ARMC2: variants seen among roughly 807,000 people sequenced by gnomAD.
ARMC2 encodes armadillo repeat containing 2.
ARMC2 carries 67 observed loss-of-function variants against 90.3 expected under a neutral mutation model. The ratio of observed to expected loss-of-function variants is 0.74; its 90% confidence interval spans 0.61 to 0.91. The LOEUF (loss-of-function observed/expected upper bound fraction) is 0.91, where lower values mean the gene tolerates loss of function less well. Among genes scored for constraint, ARMC2 ranks in the 40% least tolerant of loss-of-function variants. The pLI is 0.00. For missense variants in ARMC2, 920 were observed against 1,030.9 expected, an observed-to-expected ratio of 0.89 and a Z score of 1.47; for synonymous variants, 393 against 393.0, an observed-to-expected ratio of 1.00 and a Z score of 0.00.
intron 12 of ARMC2, among the ~76,000 whole-genome samples, chr6:108,950,720 C>G (rs1282323501): frequency 6.6e-6 from 1 of 152,104 alleles, no homozygotes; most frequent in Non-Finnish European, 1.5e-5. Context: ...TACCAAAGCC[C>G]CATGACACAA....
chr6:108,989,834 A>G, the ARMC2 span, among the ~76,000 whole-genome samples: 1 of 152,142 alleles, frequency 6.6e-6, no homozygotes, highest in Non-Finnish European at 1.5e-5. Flanking sequence ...TTCCAATCAC[A>G]TAGGCACTGA....
the ARMC2 span, among the ~76,000 whole-genome samples, chr6:109,044,790 G>T: frequency 6.6e-6 from 1 of 152,100 alleles, no homozygotes; most frequent in South Asian, 2.1e-4. Context: ...TTGGGAGGTC[G>T]AGGAGGGCAG....
chr6:108,932,363 A>G (rs1024263688), intron 11 of ARMC2, among the ~76,000 whole-genome samples: 8 of 151,520 alleles, frequency 5.3e-5, no homozygotes, highest in Non-Finnish European at 1.2e-4. Context: ...GGGTCTTCAT[A>G]GTTTTGGGTT....
chr6:109,032,058 TCG>T, the ARMC2 span, among the ~76,000 whole-genome samples: 1 of 152,114 alleles, frequency 6.6e-6, no homozygotes, highest in Non-Finnish European at 1.5e-5. Context: ...TCACCTGAGG[TCG>T]AGAGTTTGAG....
the ARMC2 span, chr6:108,990,846 G>A: frequency 1.2e-6 from 2 of 1,609,294 alleles, no homozygotes; most frequent in Non-Finnish European, 1.7e-6. Context: ...CTAAATACAG[G>A]GAATAGAACA....
At chr6:108,930,052 G>T (rs938396534) in intron 11 of ARMC2, among the ~76,000 whole-genome samples, 12 of 151,978 alleles carry the variant, frequency 7.9e-5, no homozygotes, top group Non-Finnish European at 1.3e-4. Context: ...GCTTGAGTCT[G>T]GAAGGTGGAG....
chr6:108,912,707 C>T (rs1009667428), intron 10 of ARMC2, 149 bp downstream of exon 10: 3 of 679,012 alleles, frequency 4.4e-6, no homozygotes, highest in Non-Finnish European at 7.5e-6. Context: ...CACCTCCACC[C>T]CATGAGGGCC....
intron 12 of ARMC2, among the ~76,000 whole-genome samples, chr6:108,946,479 GT>G (rs1776819382): frequency 6.6e-6 from 1 of 152,168 alleles, no homozygotes; most frequent in African/African-American, 2.4e-5. Flanking sequence ...TTTTGCAGTA[GT>G]GCACAGTCTG....
chr6:108,998,644 T>C, the ARMC2 span: 1 of 1,613,976 alleles, frequency 6.2e-7, no homozygotes, highest in Non-Finnish European at 8.5e-7. Context: ...ATTTCTGGAC[T>C]GATTCCACAG....
intron 10 of ARMC2, among the ~76,000 whole-genome samples, chr6:108,919,526 T>G (rs1041075988): frequency 6.6e-6 from 1 of 152,192 alleles, no homozygotes; most frequent in Non-Finnish European, 1.5e-5. Flanking sequence ...AATTTTTTTT[T>G]GGAGATTTGA....
intron 12 of ARMC2, among the ~76,000 whole-genome samples, chr6:108,950,524 C>G (rs1410483766): frequency 6.6e-6 from 1 of 152,058 alleles, no homozygotes; most frequent in Non-Finnish European, 1.5e-5. Flanking sequence ...AACGCAAGAA[C>G]AGAAAACCAA....
chr6:108,988,514 AAAGT>A, the ARMC2 span: 1 of 1,573,438 alleles, frequency 6.4e-7, no homozygotes, highest in East Asian at 2.3e-5. Flanking sequence ...GCTAAGTTAC[AAAGT>A]AAATAAGCCA....
chr6:108,974,708 C>T (rs895494424), downstream of ARMC2, among the ~76,000 whole-genome samples: 9 of 152,164 alleles, frequency 5.9e-5, no homozygotes, highest in African/African-American at 2.2e-4. Flanking sequence ...CAGCTCATTT[C>T]TCACCCTACA....
At chr6:108,925,010 G>C (rs1343142646) in intron 10 of ARMC2, among the ~76,000 whole-genome samples, 1 of 152,146 alleles carries the variant, frequency 6.6e-6, no homozygotes, top group Non-Finnish European at 1.5e-5. Flanking sequence ...ATAGGCTAGA[G>C]AACAAATACA....
At chr6:109,024,577 G>A in the ARMC2 span, among the ~76,000 whole-genome samples, 1 of 152,010 alleles carries the variant, frequency 6.6e-6, no homozygotes, top group Admixed American at 6.6e-5. Context: ...CTTACAATGG[G>A]GTTATGACTC....
chr6:109,037,228 T>C, the ARMC2 span, among the ~76,000 whole-genome samples: 2 of 152,228 alleles, frequency 1.3e-5, no homozygotes, highest in Admixed American at 1.3e-4. Context: ...TCTATTAAAA[T>C]GTACTTTTCA....
the ARMC2 span, among the ~76,000 whole-genome samples, chr6:109,002,104 A>G: frequency 6.6e-6 from 1 of 152,212 alleles, no homozygotes; most frequent in Admixed American, 6.5e-5. Context: ...AGAAATCAAC[A>G]CAAGTACAAC....
At chr6:108,853,714 G>A (rs554828244) in intron 1 of ARMC2, among the ~76,000 whole-genome samples, 1 of 152,250 alleles carries the variant, frequency 6.6e-6, no homozygotes, top group South Asian at 2.1e-4. Flanking sequence ...TCAAATTATA[G>A]GTGAGTTGAA....
At chr6:108,993,949 G>C in the ARMC2 span, among the ~76,000 whole-genome samples, 1 of 151,602 alleles carries the variant, frequency 6.6e-6, no homozygotes, top group Non-Finnish European at 1.5e-5. Flanking sequence ...AGAAGCGTGG[G>C]CAATATAGCA....
Sources: gnomAD v4.1 joint callset for allele counts (sites outside exome capture counted in the v4.1 genomes callset) on GRCh38, gnomAD v4.1.1 for gene constraint, MANE v1.5 for transcripts, NCBI Gene and HGNC (gene_info 2026-07-23, HGNC 2026-07-21) for gene names.